The following WDR45 variants were observed in gnomAD, a reference collection of about 807,000 sequenced individuals.
The protein encoded by WDR45 is WD repeat domain phosphoinositide-interacting protein 4.
A neutral mutation model predicts 27.3 loss-of-function variants in WDR45; 2 were observed. The observed-to-expected ratio is 0.07, with a 90% CI of 0.03 to 0.23. The LOEUF (loss-of-function observed/expected upper bound fraction) is 0.23. Ranked by LOEUF, WDR45 falls within the 10% of genes least tolerant of loss-of-function variation. The probability of loss-of-function intolerance (pLI) is 1.00; values close to 1 mark genes in which losing one functional copy is unlikely to be tolerated. For synonymous variants in WDR45, 99 were observed against 119.2 expected (o/e 0.83, Z 1.11); for missense variants, 175 against 311.9 (o/e 0.56, Z 3.31).
upstream of WDR45, among the ~76,000 whole-genome samples, chrX:49,081,484 C>T (rs1417814267): frequency 6.9e-5 from 7 of 100,905 alleles, 1 homozygote; most frequent in East Asian, 6.4e-4. Flanking sequence ...GAGCAGAGAT[C>T]GCACCACTGC....
At chrX:49,099,034 AGAG>A (rs781950148) in intron 2 of WDR45, among the ~76,000 whole-genome samples, 3 of 111,712 alleles carry the variant, frequency 2.7e-5, no homozygotes, top group Non-Finnish European at 5.6e-5. Flanking sequence ...AGAAACATCC[AGAG>A]GAGGGGCCTG....
At chrX:49,086,532 C>T (rs1207622767) in intron 2 of WDR45, among the ~76,000 whole-genome samples, 2 of 111,545 alleles carry the variant, frequency 1.8e-5, no homozygotes. Context: ...TCCTTTCTCT[C>T]TGGGACTGAT....
At chrX:49,075,102 C>A in intron 10 of WDR45, 34 bp downstream of exon 10, 1 of 1,205,214 alleles carries the variant, frequency 8.3e-7, no homozygotes, top group Non-Finnish European at 1.1e-6. Context: ...TTGCCCCATG[C>A]AGTACCCCCA....
At chrX:49,075,110 C>T (rs200018639) in intron 10 of WDR45, 26 bp downstream of exon 10, 1 of 1,205,915 alleles carries the variant, frequency 8.3e-7, no homozygotes, top group African/African-American at 1.7e-5. Context: ...TGCAGTACCC[C>T]CAACCAAGGG....
rs782722286 is a variant in WDR45, at chrX:49,076,420, G to A, written c.436+10C>T. The A allele has an allele frequency of 2.0e-5, 24 of 1,208,338 alleles. No individual in the cohort carries two copies. Among genetic ancestry groups the A allele is most frequent in the Middle Eastern group, 2.6e-4 (1 of 3,870 alleles). The stretch of plus-strand genomic sequence containing the variant: ...CATGCCCTTACACCTGTGTATCTGA[G>A]CCCTCTCACCCTTGGGGTTGTCCCG... On this transcript the variant is annotated intron_variant, in intron 6 of 10. Transcript: ENST00000376372.
At chrX:49,084,368 T>C (rs1340430431), upstream of WDR45, among the ~76,000 whole-genome samples, 1 of 107,536 alleles carries the variant, frequency 9.3e-6, no homozygotes, top group Non-Finnish European at 1.9e-5. Context: ...TCCATTTTCA[T>C]TGGCAAATTC....
chrX:49,075,523 A>C, intron 8 of WDR45, 22 bp downstream of exon 8: 1 of 1,211,389 alleles, frequency 8.3e-7, no homozygotes, highest in Admixed American at 2.2e-5. Flanking sequence ...TCACCAGCCC[A>C]CCATGCATAC....
chrX:49,096,839 C>T (rs781892452), intron 2 of WDR45, among the ~76,000 whole-genome samples: 3 of 111,856 alleles, frequency 2.7e-5, no homozygotes, highest in East Asian at 5.6e-4. Context: ...CTACAACCTC[C>T]GCTTCCTGGG....
chrX:49,081,947 C>CA (rs1557085206), upstream of WDR45: 1 of 93,488 alleles, frequency 1.1e-5, no homozygotes, highest in East Asian at 3.4e-4. Flanking sequence ...CGCGCCACTG[C>CA]ACTCCAGCCT....
chrX:49,091,524 T>C (rs377406237), intron 2 of WDR45, among the ~76,000 whole-genome samples: 10 of 92,547 alleles, frequency 1.1e-4, no homozygotes, highest in African/African-American at 4.1e-4. Flanking sequence ...CCGAGGCGGG[T>C]GGATCATGAG....
intron 10 of WDR45, 62 bp downstream of exon 10, chrX:49,075,074 G>T: frequency 8.4e-7 from 1 of 1,192,985 alleles, no homozygotes; most frequent in Non-Finnish European, 1.1e-6. Flanking sequence ...AATCCTTTCA[G>T]GTCCAACCTG....
intron 1 of WDR45, among the ~76,000 whole-genome samples, chrX:49,078,825 ACT>A (rs1201963512): frequency 9.0e-6 from 1 of 111,552 alleles, no homozygotes; most frequent in Non-Finnish European, 1.9e-5. Context: ...CTAGCACCGG[ACT>A]CTCTCAATAA....
At chrX:49,091,706 G>A (rs1236754130) in intron 2 of WDR45, among the ~76,000 whole-genome samples, 4 of 78,543 alleles carry the variant, frequency 5.1e-5, no homozygotes, top group Non-Finnish European at 9.2e-5. Context: ...CCGAGGTTGC[G>A]CCACTGCAGT....
chrX:49,100,696 C>T (rs1260736296), intron 1 of WDR45: 6 of 114,182 alleles, frequency 5.3e-5, no homozygotes, highest in African/African-American at 1.9e-4. Context: ...AGTGTTTATT[C>T]CCTTACACAG....
At chrX:49,098,763 C>A (rs1557087711) in intron 2 of WDR45, among the ~76,000 whole-genome samples, 1 of 110,766 alleles carries the variant, frequency 9.0e-6, no homozygotes. Flanking sequence ...GCCATGACTT[C>A]ACCATTATAC....
At position 49,075,307 on chromosome X, in the gene WDR45, G is replaced by A; in HGVS notation, c.828-26C>T. On this transcript the variant is annotated intron_variant, in intron 9 of 10. Transcript: ENST00000376372. ...CTGCAGGCAGCACTGGCTAAGCCCA[G>A]GTATGGTAAATGGGCAGGGGGACAG... 3 of 1,210,388 alleles carry A rather than the reference G, an allele frequency of 2.5e-6. No homozygotes were observed. The South Asian group carries it at 5.3e-5, about 21-fold the overall frequency.
chrX:49,100,311 T>C (rs1329382047), exon 2 of WDR45: 1 of 107,611 alleles, frequency 9.3e-6, no homozygotes, highest in Non-Finnish European at 1.9e-5. Flanking sequence ...CTCGGCTCAC[T>C]GCAAGCTCCG....
rs782422027 is a variant in WDR45, at chrX:49,074,456, T to C, written c.*347A>G. Reference sequence around the variant, plus strand: ...CAAGCCGTAAATGCCATTAAGGGCCTTTTATTCGTATTCATCACATCGGAG... The same window carrying C: ...CAAGCCGTAAATGCCATTAAGGGCCCTTTATTCGTATTCATCACATCGGAG... On this transcript the variant is annotated 3_prime_UTR_variant, in exon 11 of 11. Coordinates refer to ENST00000376372, the MANE Select transcript of WDR45 (RefSeq NM_001029896.2). 6 of 341,184 alleles carry C rather than the reference T, an allele frequency of 1.8e-5. No individual in the cohort carries two copies. In the South Asian group the frequency reaches 2.9e-4, roughly 17 times the overall value. The allele number at this position is 341,184 out of a possible 1,213,427, so 28.1% of individuals were successfully genotyped here. A position where few individuals can be genotyped will look rare whatever the true frequency, so the allele number is the denominator to read the frequency against.
upstream of WDR45, among the ~76,000 whole-genome samples, chrX:49,082,680 A>G (rs2065071825): frequency 9.1e-6 from 1 of 110,279 alleles, no homozygotes; most frequent in African/African-American, 3.3e-5. Flanking sequence ...GAAACCCACA[A>G]TTTCTTCCTC....
Sources: allele counts gnomAD v4.1 joint callset (sites outside exome capture counted in the v4.1 genomes callset), GRCh38; gene constraint gnomAD v4.1.1; transcripts MANE v1.5; gene names NCBI Gene and HGNC (gene_info 2026-07-23, HGNC 2026-07-21).